CHRM3: variants seen among roughly 807,000 people sequenced by gnomAD.
The protein encoded by CHRM3 is muscarinic acetylcholine receptor M3.
CHRM3 carries 11 observed loss-of-function variants against 41.8 expected under a neutral mutation model. The observed-to-expected ratio is 0.26, with a 90% CI of 0.17 to 0.44. The LOEUF (loss-of-function observed/expected upper bound fraction) is 0.44. CHRM3 is among the 20% of genes least tolerant of loss of function. The pLI is 1.00. For missense variants in CHRM3, 571 were observed against 745.4 expected, an observed-to-expected ratio of 0.77 and a Z score of 2.72; for synonymous variants, 297 against 301.4, an observed-to-expected ratio of 0.99 and a Z score of 0.15.
chr1:239,630,166 A>G (rs1054883216), intron 3 of CHRM3, among the ~76,000 whole-genome samples: 4 of 152,206 alleles, frequency 2.6e-5, no homozygotes, highest in African/African-American at 9.6e-5. Flanking sequence ...CAAGATATTG[A>G]TATTAGTAGA....
Position 239,909,234 on chromosome 1 carries a change from G to T in CHRM3, c.*10G>T, listed in dbSNP as rs765595334. 1.9e-5 allele frequency: 31 copies of T among 1,590,290 alleles called. No homozygotes were observed. The Admixed American group carries it at 5.2e-4, about 27-fold the overall frequency. The stretch of plus-strand genomic sequence containing the variant: ...CGAGCAGGCCTTGTAGAATGAGGTT[G>T]TATCAATAGCAGTGACAAAACGCAC... On this transcript the variant is annotated 3_prime_UTR_variant, in exon 7 of 7. Coordinates refer to ENST00000676153, the MANE Select transcript of CHRM3 (RefSeq NM_001375978.1).
At chr1:239,616,749 C>CA (rs1256732777) in intron 3 of CHRM3, among the ~76,000 whole-genome samples, 1 of 151,842 alleles carries the variant, frequency 6.6e-6, no homozygotes, top group African/African-American at 2.4e-5. Flanking sequence ...TTCAGGAGCT[C>CA]ATTAGATTTT....
intron 6 of CHRM3, among the ~76,000 whole-genome samples, chr1:239,852,091 G>A (rs1407855514): frequency 5.9e-5 from 9 of 151,982 alleles, no homozygotes; most frequent in Admixed American, 5.9e-4. Flanking sequence ...TGAGACAGCA[G>A]GTCCAATTCA....
At chr1:239,798,072 A>G (rs1168722685) in intron 5 of CHRM3, among the ~76,000 whole-genome samples, 1 of 151,998 alleles carries the variant, frequency 6.6e-6, no homozygotes, top group Non-Finnish European at 1.5e-5. Context: ...GTCAAAACCA[A>G]ATTCCACATT....
At chr1:239,456,510 T>C (rs549169407) in intron 1 of CHRM3, among the ~76,000 whole-genome samples, 1 of 152,120 alleles carries the variant, frequency 6.6e-6, no homozygotes. Flanking sequence ...CGTCTAGGCT[T>C]GTGTACATCC....
At chr1:239,861,447 G>A (rs1381996910) in intron 6 of CHRM3, among the ~76,000 whole-genome samples, 1 of 152,060 alleles carries the variant, frequency 6.6e-6, no homozygotes, top group Admixed American at 6.6e-5. Context: ...AGACGATATG[G>A]TAAAAAAGAA....
rs1410348727 is a variant in CHRM3, at chr1:239,910,303, C to T, written c.*1079C>T. ...TGTCACGTTTGAATGTCATACACAG[C>T]AATATATATATATGTGTATATATAT... On this transcript the variant is annotated 3_prime_UTR_variant, in exon 7 of 7. Coordinates refer to ENST00000676153, the MANE Select transcript of CHRM3 (RefSeq NM_001375978.1). 1 of 145,874 alleles carries T rather than the reference C, an allele frequency of 6.9e-6. No individual in the cohort carries two copies. The highest frequency in any genetic ancestry group is 1.6e-5 in the Non-Finnish European group (1 of 62,774). 9.0% of individuals were successfully genotyped at this position (145,874 alleles called of 1,614,324 possible).
chr1:239,433,061 T>C (rs1160713561), intron 1 of CHRM3, among the ~76,000 whole-genome samples: 1 of 152,184 alleles, frequency 6.6e-6, no homozygotes, highest in African/African-American at 2.4e-5. Context: ...CCTTTATTTC[T>C]AGCTTTCTCC....
At chr1:239,528,342 A>T (rs191718861) in intron 2 of CHRM3, among the ~76,000 whole-genome samples, 25 of 152,332 alleles carry the variant, frequency 1.6e-4, no homozygotes, top group Admixed American at 3.3e-4. Flanking sequence ...TCTTGCTGAC[A>T]TGTCTCTTCT....
intron 5 of CHRM3, among the ~76,000 whole-genome samples, chr1:239,789,074 G>A (rs1243594168): frequency 6.6e-6 from 1 of 152,080 alleles, no homozygotes; most frequent in Admixed American, 6.6e-5. Context: ...TCCATCCTTT[G>A]GCTTCACCAT....
intron 5 of CHRM3, among the ~76,000 whole-genome samples, chr1:239,728,741 A>G (rs1394513230): frequency 1.3e-5 from 2 of 151,970 alleles, no homozygotes; most frequent in African/African-American, 4.8e-5. Flanking sequence ...TCAAGGATCT[A>G]CTAAACCTTT....
At chr1:239,881,966 T>C (rs1677676896) in intron 6 of CHRM3, among the ~76,000 whole-genome samples, 1 of 152,160 alleles carries the variant, frequency 6.6e-6, no homozygotes, top group African/African-American at 2.4e-5. Flanking sequence ...AGTGCAGTGG[T>C]GCCATCTTGG....
At chr1:239,414,782 T>C (rs1661368236) in intron 1 of CHRM3, among the ~76,000 whole-genome samples, 1 of 152,226 alleles carries the variant, frequency 6.6e-6, no homozygotes, top group African/African-American at 2.4e-5. Flanking sequence ...AGTGAGATTC[T>C]AGTTTGTGAA....
intron 3 of CHRM3, among the ~76,000 whole-genome samples, chr1:239,547,017 C>T (rs1379673025): frequency 6.6e-6 from 1 of 152,108 alleles, no homozygotes; most frequent in East Asian, 1.9e-4. Context: ...GACTTTTCCA[C>T]TAAATTTAAA....
At chr1:239,790,479 GCT>G (rs1181268813) in intron 5 of CHRM3, among the ~76,000 whole-genome samples, 1 of 152,156 alleles carries the variant, frequency 6.6e-6, no homozygotes, top group African/African-American at 2.4e-5. Context: ...CCCTGCACAA[GCT>G]CTCTTGCCTG....
At chr1:239,605,641 A>C (rs1013616238) in intron 3 of CHRM3, among the ~76,000 whole-genome samples, 8 of 152,280 alleles carry the variant, frequency 5.3e-5, no homozygotes, top group Admixed American at 3.9e-4. Flanking sequence ...GTCCCATTAG[A>C]ATTACAGTCT....
chr1:239,731,414 C>T (rs374174320), intron 5 of CHRM3, among the ~76,000 whole-genome samples: 17 of 152,028 alleles, frequency 1.1e-4, no homozygotes, highest in African/African-American at 2.6e-4. Flanking sequence ...TTCTAATACA[C>T]GCTGTCTTAT....
chr1:239,857,826 G>A (rs1247772096), intron 6 of CHRM3, among the ~76,000 whole-genome samples: 1 of 152,106 alleles, frequency 6.6e-6, no homozygotes, highest in East Asian at 1.9e-4. Context: ...CAAAGTGTTT[G>A]TGCAATTACC....
chr1:239,862,467 C>A (rs2149276275), intron 6 of CHRM3, among the ~76,000 whole-genome samples: 1 of 152,086 alleles, frequency 6.6e-6, no homozygotes, highest in Middle Eastern at 3.4e-3. Flanking sequence ...ATGACAATTC[C>A]AATGACATTA....
Sources: gnomAD v4.1 joint callset for allele counts (sites outside exome capture counted in the v4.1 genomes callset) on GRCh38, gnomAD v4.1.1 for gene constraint, MANE v1.5 for transcripts, NCBI Gene and HGNC (gene_info 2026-07-23, HGNC 2026-07-21) for gene names.